Variants in PLCB4 observed in about 807,000 individuals in gnomAD.
PLCB4 encodes 1-phosphatidylinositol 4,5-bisphosphate phosphodiesterase beta-4.
PLCB4 carries 77 observed loss-of-function variants against 178.8 expected under a neutral mutation model. The ratio of observed to expected loss-of-function variants is 0.43; its 90% CI spans 0.36 to 0.52. The LOEUF is 0.52. Ranked by LOEUF, PLCB4 falls within the 20% of genes least tolerant of loss-of-function variation. The pLI, the probability that PLCB4 is intolerant of heterozygous loss-of-function variation, is 0.00. For synonymous variants in PLCB4, 496 were observed against 490.8 expected (o/e 1.01, Z -0.14); for missense variants, 1,024 against 1,453.4 (o/e 0.70, Z 4.80).
chr20:9,437,645 G>A (rs1203044203), intron 30 of PLCB4, among the ~76,000 whole-genome samples: 1 of 152,232 alleles, frequency 6.6e-6, no homozygotes, highest in Non-Finnish European at 1.5e-5. Context: ...CCATACTGGA[G>A]GGAAAGTGGG....
upstream of PLCB4, chr20:9,068,996 G>A (rs2089420718): frequency 6.6e-6 from 1 of 152,200 alleles, no homozygotes; most frequent in African/African-American, 2.4e-5. Flanking sequence ...TGCGCCGGGA[G>A]GGGGCTTGGC....
chr20:9,295,667 TTAAA>T (rs2094625654), intron 3 of PLCB4, among the ~76,000 whole-genome samples: 1 of 152,188 alleles, frequency 6.6e-6, no homozygotes, highest in Non-Finnish European at 1.5e-5. Flanking sequence ...GCACCATTTA[TTAAA>T]TAGGGAATCC....
At chr20:9,435,790 A>G (rs2041729593) in intron 29 of PLCB4, 142 bp downstream of exon 29, 1 of 537,880 alleles carries the variant, frequency 1.9e-6, no homozygotes, top group African/African-American at 1.9e-5. Flanking sequence ...AACAATAGTT[A>G]ACTTTCTACA....
At position 9,239,544 on chromosome 20, in the gene PLCB4, CTG is replaced by C. The variant is rs201697100; in HGVS notation, c.-16+22094_-16+22095del. Among the ~76,000 whole-genome samples, 225 of 152,212 alleles carry C rather than the reference CTG, an allele frequency of 1.5e-3. 1 individual carries two copies. Among genetic ancestry groups the C allele is most frequent in the African/African-American group, 5.1e-3 (212 of 41,524 alleles). On this transcript the variant is annotated intron_variant, in intron 3 of 39. Coordinates refer to ENST00000378473, the MANE Select transcript of PLCB4 (RefSeq NM_001377142.1). ...TGAATGCCCAAGTATCCAGGGAAAACTGTATTTTTGTGGACAGTTGTGCTCAA... is the reference window on the plus strand; with the variant it reads ...TGAATGCCCAAGTATCCAGGGAAAACTATTTTTGTGGACAGTTGTGCTCAA...
At chr20:9,330,489 T>C (rs2031478716) in intron 4 of PLCB4, among the ~76,000 whole-genome samples, 1 of 152,140 alleles carries the variant, frequency 6.6e-6, no homozygotes, top group African/African-American at 2.4e-5. Flanking sequence ...AGAGGGGCCC[T>C]GCTTGGTCAA....
chr20:9,076,371 G>T (rs1416572523), intron 1 of PLCB4, among the ~76,000 whole-genome samples: 1 of 152,132 alleles, frequency 6.6e-6, no homozygotes, highest in Non-Finnish European at 1.5e-5. Flanking sequence ...GGAGGCTAAG[G>T]CAGGAGAATT....
chr20:9,233,954 A>T (rs1174345962), intron 3 of PLCB4, among the ~76,000 whole-genome samples: 2 of 152,150 alleles, frequency 1.3e-5, no homozygotes, highest in South Asian at 2.1e-4. Flanking sequence ...ACAGTTGGGG[A>T]TAAACTGGAA....
chr20:9,421,096 G>T (rs2040599678), intron 26 of PLCB4, among the ~76,000 whole-genome samples: 1 of 152,010 alleles, frequency 6.6e-6, no homozygotes, highest in Non-Finnish European at 1.5e-5. Context: ...TAGAACATCT[G>T]CTTGAAACAG....
chr20:9,435,730 A>G (rs541914140), intron 29 of PLCB4, 82 bp downstream of exon 29: 54 of 795,240 alleles, frequency 6.8e-5, no homozygotes, highest in Non-Finnish European at 1.1e-4. Flanking sequence ...AAGACAAAGT[A>G]ATGAATTAGC....
At chr20:9,345,537 TG>T (rs1346142919) in intron 7 of PLCB4, among the ~76,000 whole-genome samples, 1 of 152,212 alleles carries the variant, frequency 6.6e-6, no homozygotes, top group African/African-American at 2.4e-5. Flanking sequence ...AAGATGGAAA[TG>T]CAGGCCTCAT....
In PLCB4 at chr20:9,171,274, G is replaced by A. The variant is rs1351148654; in HGVS notation, c.-78-46116G>A. Among the ~76,000 whole-genome samples the A allele has an allele frequency of 2.0e-5, 3 of 152,292 alleles. No individual in the cohort carries two copies. The East Asian group carries it at 5.8e-4, about 29-fold the overall frequency. On this transcript the variant is annotated intron_variant, in intron 2 of 39. Coordinates refer to ENST00000378473, the MANE Select transcript of PLCB4 (RefSeq NM_001377142.1). The stretch of plus-strand genomic sequence containing the variant: ...ACAGTCCCCTTTAGAATGCTACAAA[G>A]AAATATGTAGTGATTTTCAAAGGTA...
chr20:9,134,384 T>C (rs974009792), intron 2 of PLCB4, among the ~76,000 whole-genome samples: 1 of 152,196 alleles, frequency 6.6e-6, no homozygotes, highest in African/African-American at 2.4e-5. Flanking sequence ...TCTAACTTCA[T>C]TCAAATTTAT....
chr20:9,119,385 T>C (rs970764253), intron 2 of PLCB4, among the ~76,000 whole-genome samples: 1 of 152,146 alleles, frequency 6.6e-6, no homozygotes, highest in African/African-American at 2.4e-5. Flanking sequence ...CTGTCACATT[T>C]GGGAAATGAA....
At chr20:9,276,796 A>G (rs1341268865) in intron 3 of PLCB4, among the ~76,000 whole-genome samples, 1 of 152,030 alleles carries the variant, frequency 6.6e-6, no homozygotes, top group African/African-American at 2.4e-5. Context: ...CACTGAGATC[A>G]CCAGGGAGCT....
intron 12 of PLCB4, among the ~76,000 whole-genome samples, chr20:9,377,637 C>T (rs761601009): frequency 1.3e-5 from 2 of 152,006 alleles, no homozygotes; most frequent in Non-Finnish European, 1.5e-5. Flanking sequence ...TTATTTGCTG[C>T]GAATGTAATT....
intron 3 of PLCB4, among the ~76,000 whole-genome samples, chr20:9,283,603 T>G (rs965749016): frequency 2.0e-5 from 3 of 151,926 alleles, no homozygotes; most frequent in Admixed American, 6.6e-5. Flanking sequence ...TTCTACCCTT[T>G]TCTCTCCTGG....
intron 4 of PLCB4, among the ~76,000 whole-genome samples, chr20:9,313,684 A>G (rs753372314): frequency 1.3e-5 from 2 of 152,222 alleles, no homozygotes; most frequent in African/African-American, 2.4e-5. Context: ...AGAGTTGGAC[A>G]TATGGAACAG....
intron 25 of PLCB4, among the ~76,000 whole-genome samples, chr20:9,412,963 T>C (rs1013747876): frequency 6.6e-6 from 1 of 152,232 alleles, no homozygotes; most frequent in African/African-American, 2.4e-5. Context: ...CTCAGTCAGG[T>C]TGAATGAGTG....
intron 27 of PLCB4, among the ~76,000 whole-genome samples, chr20:9,421,947 A>G (rs138000481): frequency 1.3e-5 from 2 of 152,276 alleles, no homozygotes; most frequent in East Asian, 3.9e-4. Flanking sequence ...TACTGTTGTT[A>G]GTGTTTTATT....
Sources: gnomAD v4.1 joint callset for allele counts (sites outside exome capture counted in the v4.1 genomes callset) on GRCh38, gnomAD v4.1.1 for gene constraint, MANE v1.5 for transcripts, NCBI Gene and HGNC (gene_info 2026-07-23, HGNC 2026-07-21) for gene names.